Variants in MBD1 observed in about 807,000 individuals in gnomAD.
MBD1 encodes the protein methyl-CpG binding domain protein 1, also known as methyl-CpG-binding domain protein 1.
MBD1 carries 25 observed loss-of-function variants against 82.6 expected under a neutral mutation model. The observed-to-expected ratio is 0.30, with a 90% CI of 0.22 to 0.42. The LOEUF (loss-of-function observed/expected upper bound fraction) is 0.42. MBD1 is among the 10% of genes least tolerant of loss of function. The probability of loss-of-function intolerance (pLI) is 1.00; values close to 1 mark genes in which losing one functional copy is unlikely to be tolerated. For synonymous variants in MBD1, 301 were observed against 303.7 expected, an observed-to-expected ratio of 0.99 and a Z score of 0.09; for missense variants, 627 against 819.6, an observed-to-expected ratio of 0.76 and a Z score of 2.87.
At chr18:50,268,818 C>G (rs1744196151), downstream of MBD1, 30 of 754,406 alleles carry the variant, frequency 4.0e-5, no homozygotes, top group Non-Finnish European at 4.5e-5. Flanking sequence ...CACCAAACCA[C>G]TCCCAAAAGA....
Position 50,275,734 on chromosome 18 carries a change from G to A in MBD1, c.664-6C>T. 1 of 1,614,202 alleles carries A rather than the reference G, an allele frequency of 6.2e-7. No individual in the cohort carries two copies. The highest frequency in any genetic ancestry group is 8.5e-7 in the Non-Finnish European group (1 of 1,180,016). On this transcript the variant is annotated splice_polypyrimidine_tract_variant and splice_region_variant and intron_variant, in intron 7 of 16. Coordinates refer to ENST00000269468, the MANE Select transcript of MBD1 (RefSeq NM_015846.4). ...CATACTCCACACCCTCGGCTCTGTT[G>A]GCGGGGGGCAGGTGGGAGCAGAGGC...
At chr18:50,267,293 C>T (rs766134662), downstream of MBD1, 1 of 368,290 alleles carries the variant, frequency 2.7e-6, no homozygotes, top group Non-Finnish European at 5.0e-6. Flanking sequence ...TATTTTCCAG[C>T]TAAGGCAAAG....
intron 2 of MBD1, among the ~76,000 whole-genome samples, chr18:50,277,593 AAT>A (rs1301072080): frequency 1.3e-5 from 2 of 152,118 alleles, no homozygotes; most frequent in African/African-American, 2.4e-5. Context: ...AGAAAACACA[AAT>A]ATGTTTTAAA....
chr18:50,281,101 C>T lies in MBD1; in HGVS notation c.-26+262G>A. On this transcript the variant is annotated intron_variant, in intron 1 of 16. Coordinates refer to ENST00000269468, the MANE Select transcript of MBD1 (RefSeq NM_015846.4). ...TCAACTTCAGATGCCCCGATGTCTC[C>T]CTTTAGCGTTCTGATCTCCACCATT... 5 of 1,484,890 alleles carry T rather than the reference C, an allele frequency of 3.4e-6. No individual in the cohort carries two copies. The South Asian group carries it at 3.6e-5, about 11-fold the overall frequency. 92.0% of individuals were successfully genotyped at this position (1,484,890 alleles called of 1,614,324 possible).
chr18:50,268,652 C>T (rs2034307374), downstream of MBD1, among the ~76,000 whole-genome samples: 2 of 152,208 alleles, frequency 1.3e-5, no homozygotes, highest in Admixed American at 6.5e-5. Context: ...TGAAGGTGTC[C>T]GGCCAGTGCT....
Position 50,275,430 on chromosome 18 carries a change from G to A in MBD1, c.792+170C>T, listed in dbSNP as rs140690. The stretch of plus-strand genomic sequence containing the variant: ...GACATCTCTGATGACGGCGACGCAG[G>A]CGGTGAGCAAGGTGCTGGCAGACAG... On this transcript the variant is annotated intron_variant, in intron 8 of 16. Coordinates refer to ENST00000269468, the MANE Select transcript of MBD1 (RefSeq NM_015846.4). 0.34 allele frequency: 547,312 copies of A among 1,600,230 alleles called. 98,782 individuals are homozygous for A. Among genetic ancestry groups the A allele is most frequent in the Non-Finnish European group, 0.38 (439,940 of 1,173,080 alleles).
rs576135633 is a variant in MBD1, at chr18:50,271,152, G to A, written c.*32+317C>T. 54 of 1,193,694 alleles carry A rather than the reference G, an allele frequency of 4.5e-5. No individual in the cohort carries two copies. In the African/African-American group the frequency reaches 7.1e-4, roughly 16 times the overall value. 73.9% of individuals were successfully genotyped at this position (1,193,694 alleles called of 1,614,324 possible). A position where few individuals can be genotyped will look rare whatever the true frequency, so the allele number is the denominator to read the frequency against. On this transcript the variant is annotated intron_variant, in intron 16 of 16. Coordinates refer to ENST00000269468, the MANE Select transcript of MBD1 (RefSeq NM_015846.4). ...CCAGAAGCCACTTACAATTACTCAT[G>A]AACATGGCTTGTTTAGGTTGTTTTG...
At chr18:50,280,811 G>A (rs1258239518) in intron 1 of MBD1, among the ~76,000 whole-genome samples, 1 of 151,836 alleles carries the variant, frequency 6.6e-6, no homozygotes, top group Middle Eastern at 3.4e-3. Context: ...CCTCCTTACT[G>A]TTCTCATCCT....
intron 1 of MBD1, among the ~76,000 whole-genome samples, chr18:50,280,820 C>T (rs1180956099): frequency 6.6e-6 from 1 of 152,092 alleles, no homozygotes; most frequent in Non-Finnish European, 1.5e-5. Flanking sequence ...TGTTCTCATC[C>T]TCCATTCCTC....
chr18:50,269,960 C>T, intron 16 of MBD1, 142 bp from the exon 17 acceptor site: 2 of 1,522,346 alleles, frequency 1.3e-6, no homozygotes, highest in Non-Finnish European at 1.8e-6. Context: ...TGGTTCTGCT[C>T]CTCTGATTGT....
chr18:50,273,466 G>A lies in MBD1; in HGVS notation c.1452C>T (p.Ala484=). The stretch of plus-strand genomic sequence containing the variant: ...CAACCCAACTCAGGCCAGAGCACTG[G>A]GCCTCCTGCGTGAGGGAGGATTGCA... ...AASTEALLQE[A]QCSGLSWVVA... Residue 484 remains alanine (A), a synonymous_variant, in exon 13 of 17, where the codon GCC becomes GCT. Coordinates refer to ENST00000269468, the MANE Select transcript of MBD1 (RefSeq NM_015846.4). 1 of 1,614,146 alleles carries A rather than the reference G, an allele frequency of 6.2e-7. No homozygotes were observed. Among genetic ancestry groups the A allele is most frequent in the Non-Finnish European group, 8.5e-7 (1 of 1,180,030 alleles).
intron 11 of MBD1, 49 bp downstream of exon 11, chr18:50,274,137 C>A: frequency 6.2e-7 from 1 of 1,609,080 alleles, no homozygotes; most frequent in Admixed American, 1.7e-5. Flanking sequence ...GGCACTGGGG[C>A]GCCTGGCCCA....
chr18:50,273,255 G>T lies in MBD1; in HGVS notation c.1584+79C>A, dbSNP rs577255175. On this transcript the variant is annotated intron_variant, in intron 13 of 16. Coordinates refer to ENST00000269468, the MANE Select transcript of MBD1 (RefSeq NM_015846.4). Reference sequence around the variant, plus strand: ...AGCACATCTATTGCTCTGCTCAAGAGAACCATCATGGCTCATCATCACTCT... The same window carrying T: ...AGCACATCTATTGCTCTGCTCAAGATAACCATCATGGCTCATCATCACTCT... The T allele has an allele frequency of 2.5e-5, 40 of 1,576,106 alleles. No individual in the cohort carries two copies. In the African/African-American group the frequency reaches 5.3e-4, roughly 21 times the overall value.
chr18:50,268,462 A>G (rs2034232886), downstream of MBD1, among the ~76,000 whole-genome samples: 1 of 152,238 alleles, frequency 6.6e-6, no homozygotes, highest in African/African-American at 2.4e-5. Flanking sequence ...AGGGGGACTC[A>G]GCTTCCCTCT....
downstream of MBD1, chr18:50,267,436 G>A: frequency 1.7e-6 from 1 of 604,744 alleles, no homozygotes; most frequent in Admixed American, 2.6e-5. Flanking sequence ...CTAGGATGGG[G>A]GCAGATCAAA....
intron 2 of MBD1, among the ~76,000 whole-genome samples, chr18:50,277,502 ATAT>A (rs947167930): frequency 4.6e-5 from 7 of 151,926 alleles, no homozygotes; most frequent in African/African-American, 1.2e-4. Context: ...GAACACAAAT[ATAT>A]TATATTTGTG....
chr18:50,275,518 A>G, intron 8 of MBD1, 82 bp downstream of exon 8: 2 of 1,609,636 alleles, frequency 1.2e-6, no homozygotes, highest in Non-Finnish European at 1.7e-6. Flanking sequence ...GACATGAGGT[A>G]GGCAAGGCCA....
chr18:50,280,049 G>T, intron 1 of MBD1, 32 bp from the exon 2 acceptor site: 1 of 1,569,818 alleles, frequency 6.4e-7, no homozygotes, highest in South Asian at 1.1e-5. Flanking sequence ...GAGGGAAACT[G>T]AGGCTCTAGG....
chr18:50,271,839 A>T (rs1479179821), intron 15 of MBD1, among the ~76,000 whole-genome samples: 1 of 152,164 alleles, frequency 6.6e-6, no homozygotes, highest in Non-Finnish European at 1.5e-5. Context: ...GGCCAAGTAT[A>T]GATGAAAGGG....
Sources: allele counts gnomAD v4.1 joint callset (sites outside exome capture counted in the v4.1 genomes callset), GRCh38; gene constraint gnomAD v4.1.1; transcripts MANE v1.5; gene names NCBI Gene and HGNC (gene_info 2026-07-23, HGNC 2026-07-21).